SBNO2: variants seen among roughly 807,000 people sequenced by gnomAD.
SBNO2 encodes protein strawberry notch homolog 2.
A neutral mutation model predicts 146.3 loss-of-function variants in SBNO2; 89 were observed. That is an observed-to-expected ratio of 0.61 (90% CI 0.51 to 0.73). The LOEUF (loss-of-function observed/expected upper bound fraction) is 0.73, where lower values mean the gene tolerates loss of function less well. Among genes scored for constraint, SBNO2 ranks in the 30% least tolerant of loss-of-function variants. The pLI is 0.00. For missense variants in SBNO2, 2,092 were observed against 2,003.7 expected (o/e 1.04, Z -0.84); for synonymous variants, 1,147 against 892.6 (o/e 1.29, Z -5.08).
Position 1,157,038 on chromosome 19 carries a change from T to C in SBNO2, c.-126-2636A>G, listed in dbSNP as rs1160559502. Among the ~76,000 whole-genome samples, 3 of 107,798 alleles carry C rather than the reference T, an allele frequency of 2.8e-5. No individual in the cohort carries two copies. The East Asian group carries it at 1.7e-3, about 60-fold the overall frequency. The allele number at this position is 107,798 out of a possible 152,430, so 70.7% of individuals were successfully genotyped here. ...TCGCCTCCCACCCTGTCCTCGGCCA[T>C]ATCTCACAACCCCTGCTGCCCCGAT... On this transcript the variant is annotated intron_variant, in intron 1 of 31. Transcript: ENST00000361757. The surrounding 1 kb of genome is among the most constrained non-coding windows in gnomAD (Gnocchi z 6.8).
chr19:1,132,741 C>A (rs944707289), intron 4 of SBNO2, among the ~76,000 whole-genome samples: 1 of 152,188 alleles, frequency 6.6e-6, no homozygotes, highest in Non-Finnish European at 1.5e-5. Flanking sequence ...AAGTCCCCTC[C>A]CTGCTCTTTC....
intron 5 of SBNO2, among the ~76,000 whole-genome samples, chr19:1,127,346 C>A (rs1423584577): frequency 6.6e-6 from 1 of 152,218 alleles, no homozygotes; most frequent in African/African-American, 2.4e-5. Context: ...CATCCTGGCC[C>A]CCCCCAACTC....
At chr19:1,168,161 G>A (rs987400809) in intron 1 of SBNO2, among the ~76,000 whole-genome samples, 1 of 152,124 alleles carries the variant, frequency 6.6e-6, no homozygotes, top group Non-Finnish European at 1.5e-5. Flanking sequence ...TCCAAAGTCG[G>A]CAAGCAATTC....
chr19:1,169,951 A>C (rs894267700), intron 1 of SBNO2, among the ~76,000 whole-genome samples: 1 of 152,098 alleles, frequency 6.6e-6, no homozygotes, highest in Non-Finnish European at 1.5e-5. Context: ...AGCCCCTGCA[A>C]CCACACGCCC....
At chr19:1,118,584 T>C (rs2079860548) in intron 14 of SBNO2, among the ~76,000 whole-genome samples, 1 of 150,926 alleles carries the variant, frequency 6.6e-6, no homozygotes, top group South Asian at 2.1e-4. Flanking sequence ...AAAACCCCAG[T>C]GATGGCCGGG....
chr19:1,108,132 G>C lies in SBNO2; in HGVS notation c.*88C>G. 2 of 1,350,340 alleles carry C rather than the reference G, an allele frequency of 1.5e-6. No individual in the cohort carries two copies. The highest frequency in any genetic ancestry group is 3.6e-5 in the East Asian group (1 of 27,686). 83.6% of individuals were successfully genotyped at this position (1,350,340 alleles called of 1,614,324 possible). On this transcript the variant is annotated 3_prime_UTR_variant, in exon 32 of 32. Transcript: ENST00000361757. ...GGGCCTAGGGCTCCTCTGAGCAGTG[G>C]TCAGGGGACCTTGGCCCTGCTCCCC...
In SBNO2 at chr19:1,108,516, G is replaced by A. The variant is rs1336324671; in HGVS notation, c.3805C>T (p.Pro1269Ser). Residue 1269 changes from proline (P) to serine (S), a missense_variant, in exon 32 of 32, where the codon CCG (proline) becomes TCG (serine). Coordinates refer to ENST00000361757, the MANE Select transcript of SBNO2 (RefSeq NM_014963.3). Reference protein sequence around the residue: ...LTYSPPAEAFPPPPHFSFPAP... With the variant: ...LTYSPPAEAFSPPPHFSFPAP... Reference sequence around the variant, plus strand: ...GGGAAAGAGAAGTGCGGGGGCGGCGGGAAGGCCTCGGCCGGGGGGCTGTAG... The same window carrying A: ...GGGAAAGAGAAGTGCGGGGGCGGCGAGAAGGCCTCGGCCGGGGGGCTGTAG... The A allele has an allele frequency of 9.0e-6, 11 of 1,218,416 alleles. No homozygotes were observed. The highest frequency in any genetic ancestry group is 1.0e-5 in the Non-Finnish European group (10 of 976,870). 75.5% of individuals were successfully genotyped at this position (1,218,416 alleles called of 1,614,324 possible). A position where few individuals can be genotyped will look rare whatever the true frequency, so the allele number is the denominator to read the frequency against.
chr19:1,112,217 G>A lies in SBNO2; in HGVS notation c.2600C>T (p.Ser867Phe), dbSNP rs753659702. The A allele has an allele frequency of 1.3e-6, 2 of 1,590,404 alleles. No individual in the cohort carries two copies. Among genetic ancestry groups the A allele is most frequent in the Non-Finnish European group, 1.7e-6 (2 of 1,168,736 alleles). Reference protein sequence around the residue: ...SELAGERRFASIVAKRLESLG... With the variant: ...SELAGERRFAFIVAKRLESLG... ...ACTCTCCAGGCGCTTGGCCACGATG[G>A]AGGCGAACCGGCGCTCCCCGGCCAG... The change falls in exon 22 of 32, where the codon TCC becomes TTC. Residue 867 changes from serine to phenylalanine, a missense_variant. Transcript: ENST00000361757. This position sits in a 1 kb window ranked among gnomAD's most constrained non-coding sequence, Gnocchi z 5.9.
chr19:1,165,020 AGG>A (rs2080398951), intron 1 of SBNO2, among the ~76,000 whole-genome samples: 1 of 147,772 alleles, frequency 6.8e-6, no homozygotes, highest in Non-Finnish European at 1.5e-5. Flanking sequence ...GGTCTTCCAC[AGG>A]GTGTGCCCGG....
rs571409719 is a variant in SBNO2 at position 1,110,941 on chromosome 19, C to T, written c.2885-53G>A. The stretch of plus-strand genomic sequence containing the variant: ...GCTGCGCTGGGAATCCCTCTCCCTG[C>T]TTTGCTCACCACCCGAGGCCAAGGT... On this transcript the variant is annotated intron_variant, in intron 25 of 31. Coordinates refer to ENST00000361757, the MANE Select transcript of SBNO2 (RefSeq NM_014963.3). This position sits in a 1 kb window ranked among gnomAD's most constrained non-coding sequence, Gnocchi z 4.9. 1.2e-6 allele frequency: 2 copies of T among 1,610,948 alleles called. No individual in the cohort carries two copies. Among genetic ancestry groups the T allele is most frequent in the African/African-American group, 1.3e-5 (1 of 74,996 alleles).
At chr19:1,170,495 G>C (rs1014393186) in intron 1 of SBNO2, among the ~76,000 whole-genome samples, 3 of 152,126 alleles carry the variant, frequency 2.0e-5, no homozygotes, top group Admixed American at 6.5e-5. Context: ...GGGTGACCTC[G>C]CTTTTAGGCT....
intron 1 of SBNO2, among the ~76,000 whole-genome samples, chr19:1,160,495 G>A (rs371164978): frequency 1.3e-5 from 2 of 152,160 alleles, no homozygotes; most frequent in African/African-American, 2.4e-5. Context: ...CGCACAGAGG[G>A]TGGCTACAGA....
intron 1 of SBNO2, among the ~76,000 whole-genome samples, chr19:1,159,201 G>A (rs964634900): frequency 2.0e-5 from 3 of 152,076 alleles, no homozygotes; most frequent in Non-Finnish European, 4.4e-5. Flanking sequence ...TGCAGGGGGC[G>A]GGGGCTGGCG....
chr19:1,146,408 C>G (rs1285307815), intron 4 of SBNO2, among the ~76,000 whole-genome samples: 1 of 152,150 alleles, frequency 6.6e-6, no homozygotes, highest in African/African-American at 2.4e-5. Flanking sequence ...TCTGCTGCAG[C>G]CACACCTGAC....
chr19:1,113,607 C>T lies in SBNO2; in HGVS notation c.2175G>A (p.Leu725=), dbSNP rs1438769116. Residue 725 remains leucine, a synonymous_variant, in exon 19 of 32, where the codon CTG becomes CTA. Transcript: ENST00000361757. The stretch of plus-strand genomic sequence containing the variant: ...GGGTGTTGACTGGCAGTTCCCGGCC[C>T]AGCCGCCGCACTTTGTCCAGCAGAT... The part of the protein sequence containing the change: ...KQDLLDKVRR[L]GRELPVNTLD... 1.3e-6 allele frequency: 2 copies of T among 1,597,810 alleles called. No individual in the cohort carries two copies. Among genetic ancestry groups the T allele is most frequent in the South Asian group, 2.2e-5 (2 of 89,738 alleles).
In SBNO2 at chr19:1,174,194, C is replaced by A. The variant is rs2080509366; in HGVS notation, c.-149G>T. 6.6e-6 allele frequency: 1 copy of A among 151,904 alleles called. No homozygotes were observed. The highest frequency in any genetic ancestry group is 1.5e-5 in the Non-Finnish European group (1 of 67,914). 9.4% of individuals were successfully genotyped at this position (151,904 alleles called of 1,614,324 possible). ...CACCTCGGGCCCGGGTCCGGCCGGGCGCGGAGCCCGCGGCGCCTGTTTCTC... is the reference window on the plus strand; with the variant it reads ...CACCTCGGGCCCGGGTCCGGCCGGGAGCGGAGCCCGCGGCGCCTGTTTCTC... On this transcript the variant is annotated 5_prime_UTR_variant, in exon 1 of 32. Coordinates refer to ENST00000361757, the MANE Select transcript of SBNO2 (RefSeq NM_014963.3).
At position 1,164,083 on chromosome 19, in the gene SBNO2, G is replaced by T. The variant is rs1010003167; in HGVS notation, c.-126-9681C>A. ...GGAAACTCAGGCCCGCGGCCATCACGGCCCCTCTCCTGGGAGGGCTCAAGG... is the reference window on the plus strand; with the variant it reads ...GGAAACTCAGGCCCGCGGCCATCACTGCCCCTCTCCTGGGAGGGCTCAAGG... On this transcript the variant is annotated intron_variant, in intron 1 of 31. Coordinates refer to ENST00000361757, the MANE Select transcript of SBNO2 (RefSeq NM_014963.3). Among the ~76,000 whole-genome samples the T allele has an allele frequency of 2.6e-5, 4 of 152,234 alleles. No homozygotes were observed. The East Asian group carries it at 7.7e-4, about 29-fold the overall frequency.
chr19:1,131,267 C>G (rs2080025031), intron 4 of SBNO2, among the ~76,000 whole-genome samples: 1 of 152,180 alleles, frequency 6.6e-6, no homozygotes, highest in African/African-American at 2.4e-5. Flanking sequence ...CCTCTGCAGT[C>G]TGTAGTGAGG....
In SBNO2 at chr19:1,126,804, T is replaced by C. The variant is rs2079970723; in HGVS notation, c.441+800A>G. On this transcript the variant is annotated intron_variant, in intron 5 of 31. Coordinates refer to ENST00000361757, the MANE Select transcript of SBNO2 (RefSeq NM_014963.3). This position sits in a 1 kb window ranked among gnomAD's most constrained non-coding sequence, Gnocchi z 4.4. ...TCCCAAAGTCTAGAAGCTTCTCTCG[T>C]GGACAGGCCCGGATTGGGGAAGGGA... is the stretch of plus-strand genomic sequence containing the variant. Among the ~76,000 whole-genome samples, 1 of 152,194 alleles carries C rather than the reference T, an allele frequency of 6.6e-6. No individual in the cohort carries two copies. The highest frequency in any genetic ancestry group is 1.5e-5 in the Non-Finnish European group (1 of 68,016).
Sources: allele counts gnomAD v4.1 joint callset (sites outside exome capture counted in the v4.1 genomes callset), GRCh38; gene constraint gnomAD v4.1.1; non-coding constraint Gnocchi (gnomAD v3.1); transcripts MANE v1.5; gene names NCBI Gene and HGNC (gene_info 2026-07-23, HGNC 2026-07-21).